The following ARHGEF4 variants were observed in gnomAD, a reference collection of about 807,000 sequenced individuals.
ARHGEF4 encodes Rho guanine nucleotide exchange factor 4, also known as APC-stimulated guanine nucleotide exchange factor 1.
A neutral mutation model predicts 162.0 loss-of-function variants in ARHGEF4; 119 were observed. The observed-to-expected ratio is 0.73, with a 90% CI of 0.63 to 0.86. The LOEUF (loss-of-function observed/expected upper bound fraction) is 0.86. ARHGEF4 is among the 40% of genes least tolerant of loss of function. The pLI is 0.00. For synonymous variants in ARHGEF4, 1,014 were observed against 979.9 expected, an observed-to-expected ratio of 1.03 and a Z score of -0.65; for missense variants, 2,488 against 2,456.0, an observed-to-expected ratio of 1.01 and a Z score of -0.28.
chr2:130,914,736 C>T lies in ARHGEF4; in HGVS notation c.790C>T (p.Pro264Ser), dbSNP rs555517494. 4.9e-6 allele frequency: 7 copies of T among 1,421,866 alleles called. No individual in the cohort carries two copies. The South Asian group carries it at 9.6e-5, about 20-fold the overall frequency. The allele number at this position is 1,421,866 out of a possible 1,614,324, so 88.1% of individuals were successfully genotyped here. A position where few individuals can be genotyped will look rare whatever the true frequency, so the allele number is the denominator to read the frequency against. The change falls in exon 2 of 14, where the codon CCT (proline) becomes TCT (serine). Residue 264 changes from proline to serine, a missense_variant. By Grantham distance (74) the Pro-to-Ser change is moderately conservative. This residue lies in a region of ARHGEF4 where 1,642 missense variants were observed against 1,481.5 expected (regional missense o/e 1.11). Coordinates refer to ENST00000409359, the MANE Select transcript of ARHGEF4 (RefSeq NM_001367493.1). ...PSRGPLDNTA[P>S]LGTRTKKEST... Reference sequence around the variant, plus strand: ...CAGAGGCCCACTGGACAACACAGCCCCTCTGGGGACCAGGACAAAGAAGGA... The same window carrying T: ...CAGAGGCCCACTGGACAACACAGCCTCTCTGGGGACCAGGACAAAGAAGGA...
In ARHGEF4 at chr2:131,041,925, G is replaced by A. The variant is rs757221000; in HGVS notation, c.5006G>A (p.Ser1669Asn). Reference protein sequence around the residue: ...ENIDKIAQWQSSIEDWEGEDL... With the variant: ...ENIDKIAQWQNSIEDWEGEDL... ...ATCGACAAGATTGCTCAGTGGCAGA[G>A]CTCCATAGAGGACTGGGAGGTGAGG... The change falls in exon 10 of 14, where the codon AGC becomes AAC. Residue 1669 changes from serine (S) to asparagine (N), a missense_variant. Ser to Asn is a conservative substitution (Grantham distance 46). Transcript: ENST00000409359. 1 of 1,613,576 alleles carries A rather than the reference G, an allele frequency of 6.2e-7. No homozygotes were observed. Among genetic ancestry groups the A allele is most frequent in the Non-Finnish European group, 8.5e-7 (1 of 1,180,016 alleles).
chr2:130,992,062 A>G (rs532268388), intron 4 of ARHGEF4, among the ~76,000 whole-genome samples: 2 of 152,180 alleles, frequency 1.3e-5, no homozygotes, highest in Admixed American at 1.3e-4. Context: ...GACACTCTGT[A>G]TCTAGCTGCT....
rs1681566923 is a variant in ARHGEF4, at chr2:130,917,409, G to A, written c.3463G>A (p.Asp1155Asn). ...FLLSLQTLNQ[D>N]EQKEESREGG... Reference sequence around the variant, plus strand: ...GCTTTCTCTGCAGACGCTAAACCAAGATGAGCAGAAGGAAGAGAGCAGGGA... The same window carrying A: ...GCTTTCTCTGCAGACGCTAAACCAAAATGAGCAGAAGGAAGAGAGCAGGGA... Residue 1155 changes from aspartate to asparagine, a missense_variant, in exon 2 of 14, where the codon GAT becomes AAT. Asp to Asn is a conservative substitution (Grantham distance 23, BLOSUM62 1). This residue lies in a region of ARHGEF4 where 1,642 missense variants were observed against 1,481.5 expected (regional missense o/e 1.11). Transcript: ENST00000409359. The A allele has an allele frequency of 6.4e-7, 1 of 1,550,660 alleles. No homozygotes were observed. The highest frequency in any genetic ancestry group is 8.7e-7 in the Non-Finnish European group (1 of 1,147,010).
rs1345864002 is a variant in ARHGEF4 at position 130,915,806 on chromosome 2, A to G, written c.1860A>G (p.Ala620=). The G allele has an allele frequency of 4.6e-6, 7 of 1,523,438 alleles. No individual in the cohort carries two copies. In the African/African-American group the frequency reaches 8.3e-5, roughly 18 times the overall value. The allele number at this position is 1,523,438 out of a possible 1,614,324, so 94.4% of individuals were successfully genotyped here. ...GAGGRQLEPK[A]GGEASRGRGA... is the part of the protein sequence containing the mutation. Reference sequence around the variant, plus strand: ...GGGGCCGGCAGCTGGAGCCCAAAGCAGGCGGCGAGGCCTCGAGGGGCAGGG... The same window carrying G: ...GGGGCCGGCAGCTGGAGCCCAAAGCGGGCGGCGAGGCCTCGAGGGGCAGGG... The change falls in exon 2 of 14, where the codon GCA becomes GCG. Residue 620 remains alanine (A), a synonymous_variant. Coordinates refer to ENST00000409359, the MANE Select transcript of ARHGEF4 (RefSeq NM_001367493.1).
intron 12 of ARHGEF4, among the ~76,000 whole-genome samples, chr2:131,045,100 A>G (rs568172351): frequency 4.7e-4 from 71 of 152,254 alleles, no homozygotes; most frequent in African/African-American, 1.5e-3. Flanking sequence ...CTAGACATGG[A>G]GTGAAGGTGA....
chr2:130,852,559 T>G lies in ARHGEF4; in HGVS notation c.39+15567T>G, dbSNP rs1186702545. On this transcript the variant is annotated intron_variant, in intron 1 of 13. Coordinates refer to ENST00000409359, the MANE Select transcript of ARHGEF4 (RefSeq NM_001367493.1). ...TGGGGGGGACTGTGAGCCGGGTAAG[T>G]CCCCGGGCAAGACTGACTGTGGGGT... Among the ~76,000 whole-genome samples, 4 of 143,678 alleles carry G rather than the reference T, an allele frequency of 2.8e-5. No individual in the cohort carries two copies. In the East Asian group the frequency reaches 8.3e-4, roughly 30 times the overall value. The allele number at this position is 143,678 out of a possible 152,430, so 94.3% of individuals were successfully genotyped here.
chr2:130,988,897 TATATAGAGAG>T lies in ARHGEF4; in HGVS notation c.3986-39046_3986-39037del, dbSNP rs67944730. Among the ~76,000 whole-genome samples the T allele has an allele frequency of 8.4e-3, 932 of 111,244 alleles. 3 individuals carry two copies. The highest frequency in any genetic ancestry group is 0.014 in the Middle Eastern group (3 of 220). 73.0% of individuals were successfully genotyped at this position (111,244 alleles called of 152,430 possible). On this transcript the variant is annotated intron_variant, in intron 4 of 13. Transcript: ENST00000409359. ...GTATATATATATATATATATATATA[TATATAGAGAG>T]AGAGAGAGAGAGAGAGAGAGAGAGA...
At chr2:130,874,578 T>C (rs1298914496) in intron 1 of ARHGEF4, among the ~76,000 whole-genome samples, 1 of 152,226 alleles carries the variant, frequency 6.6e-6, no homozygotes, top group African/African-American at 2.4e-5. Flanking sequence ...AGTTAAACTT[T>C]TTAAGGAGAT....
In ARHGEF4 at chr2:130,950,689, C is replaced by T. The variant is rs188450159; in HGVS notation, c.3985+4054C>T. ...AAGCTCTGTACCTTTAGCTATTACCCCCCACCACCACCCGAAGGAACCACT... is the reference window on the plus strand; with the variant it reads ...AAGCTCTGTACCTTTAGCTATTACCTCCCACCACCACCCGAAGGAACCACT... On this transcript the variant is annotated intron_variant, in intron 4 of 13. Coordinates refer to ENST00000409359, the MANE Select transcript of ARHGEF4 (RefSeq NM_001367493.1). Among the ~76,000 whole-genome samples the T allele has an allele frequency of 7.8e-4, 114 of 146,164 alleles. 1 individual carries two copies. The highest frequency in any genetic ancestry group is 2.7e-3 in the African/African-American group (109 of 39,986).
chr2:130,874,464 C>G (rs1678697188), intron 1 of ARHGEF4, among the ~76,000 whole-genome samples: 1 of 152,242 alleles, frequency 6.6e-6, no homozygotes, highest in Non-Finnish European at 1.5e-5. Flanking sequence ...GTCTCTGCAC[C>G]TTTTCTTTCT....
intron 2 of ARHGEF4, among the ~76,000 whole-genome samples, chr2:130,926,012 C>CTT (rs60718279): frequency 0.64 from 67,449 of 104,762 alleles, 28,001 homozygotes; most frequent in East Asian, 0.93. Flanking sequence ...GTTTGGTTTT[C>CTT]TCTCTTTCTT....
intron 2 of ARHGEF4, among the ~76,000 whole-genome samples, chr2:130,929,376 T>G (rs1682486118): frequency 6.6e-6 from 1 of 152,166 alleles, no homozygotes; most frequent in East Asian, 1.9e-4. Context: ...TCCATCTCTC[T>G]CTCTTTCACT....
intron 5 of ARHGEF4, among the ~76,000 whole-genome samples, chr2:131,028,319 A>G (rs1192734058): frequency 1.3e-5 from 2 of 152,144 alleles, no homozygotes; most frequent in Non-Finnish European, 2.9e-5. Flanking sequence ...AGCAGATGCA[A>G]TGCCAGCGTG....
intron 4 of ARHGEF4, among the ~76,000 whole-genome samples, chr2:130,977,829 C>G (rs1416104812): frequency 1.3e-5 from 2 of 152,106 alleles, no homozygotes; most frequent in African/African-American, 4.8e-5. Context: ...GCCCACCACA[C>G]AGAAAGCCAA....
intron 4 of ARHGEF4, among the ~76,000 whole-genome samples, chr2:130,951,681 T>C (rs1035583570): frequency 1.3e-5 from 2 of 152,226 alleles, no homozygotes; most frequent in Non-Finnish European, 2.9e-5. Flanking sequence ...AATGATTCTT[T>C]CACTGTATTT....
chr2:130,953,125 C>A (rs1176983644), intron 4 of ARHGEF4, among the ~76,000 whole-genome samples: 1 of 151,990 alleles, frequency 6.6e-6, no homozygotes, highest in African/African-American at 2.4e-5. Context: ...AAGAACAAAA[C>A]TGGAGGCATC....
intron 3 of ARHGEF4, among the ~76,000 whole-genome samples, chr2:130,933,787 C>T (rs1043819561): frequency 7.2e-5 from 11 of 152,204 alleles, no homozygotes; most frequent in African/African-American, 2.2e-4. Flanking sequence ...TATCCTGAAA[C>T]GTTGCTGAAT....
intron 1 of ARHGEF4, among the ~76,000 whole-genome samples, chr2:130,867,359 C>T (rs552272664): frequency 6.6e-6 from 1 of 152,030 alleles, no homozygotes; most frequent in East Asian, 1.9e-4. Flanking sequence ...CTGCCTCAGC[C>T]TCTTGAGTAC....
rs1182862136 is a variant in ARHGEF4, at chr2:130,836,928, G to A, written c.-26G>A. On this transcript the variant is annotated 5_prime_UTR_variant, in exon 1 of 14. Coordinates refer to ENST00000409359, the MANE Select transcript of ARHGEF4 (RefSeq NM_001367493.1). ...CGGCGCGGCTCGTAGTGCTGCGGCC[G>A]GGCTCCGGGCGTCCCGGCGGCCACC... The A allele has an allele frequency of 8.2e-7, 1 of 1,222,676 alleles. No individual in the cohort carries two copies. The highest frequency in any genetic ancestry group is 3.2e-5 in the East Asian group (1 of 31,046). 75.7% of individuals were successfully genotyped at this position (1,222,676 alleles called of 1,614,324 possible). A position where few individuals can be genotyped will look rare whatever the true frequency, so the allele number is the denominator to read the frequency against.
Sources: gnomAD v4.1 joint callset for allele counts (sites outside exome capture counted in the v4.1 genomes callset) on GRCh38, gnomAD v4.1.1 for gene constraint, gnomAD v4.1.1 regional missense constraint, MANE v1.5 for transcripts, NCBI Gene and HGNC (gene_info 2026-07-23, HGNC 2026-07-21) for gene names.